The following GPD2 variants were observed in gnomAD, a reference collection of about 807,000 sequenced individuals.
GPD2 encodes glycerol-3-phosphate dehydrogenase 2.
In GPD2, 54 loss-of-function variants were observed where a neutral mutation model predicts 82.4. That is an observed-to-expected ratio of 0.66 (90% confidence interval 0.53 to 0.82). The LOEUF (loss-of-function observed/expected upper bound fraction) is 0.82, where lower values mean the gene tolerates loss of function less well. GPD2 is among the 40% of genes least tolerant of loss of function. The pLI, the probability that GPD2 is intolerant of heterozygous loss-of-function variation, is 0.00. For synonymous variants in GPD2, 288 were observed against 306.1 expected (o/e 0.94, Z 0.62); for missense variants, 748 against 896.2 (o/e 0.83, Z 2.11).
the GPD2 span, among the ~76,000 whole-genome samples, chr2:156,403,637 G>GTA: frequency 6.6e-6 from 1 of 151,692 alleles, no homozygotes; most frequent in Non-Finnish European, 1.5e-5. Context: ...GTGTGTGTGT[G>GTA]CGCCTGCATG....
chr2:156,520,311 C>A (rs895535622), intron 6 of GPD2, among the ~76,000 whole-genome samples: 1 of 150,912 alleles, frequency 6.6e-6, no homozygotes, highest in Non-Finnish European at 1.5e-5. Context: ...GGGCCATTGC[C>A]GGGGAACTAC....
chr2:156,526,806 T>A (rs1685626380), intron 6 of GPD2, among the ~76,000 whole-genome samples: 1 of 152,124 alleles, frequency 6.6e-6, no homozygotes, highest in African/African-American at 2.4e-5. Flanking sequence ...GAGGAGGAAA[T>A]AACTGACATT....
chr2:156,576,497 C>A (rs1687828413), intron 13 of GPD2, among the ~76,000 whole-genome samples: 1 of 151,822 alleles, frequency 6.6e-6, no homozygotes, highest in African/African-American at 2.4e-5. Flanking sequence ...GTTTGTTCTA[C>A]CCTAGGAAAG....
intron 9 of GPD2, among the ~76,000 whole-genome samples, chr2:156,568,246 TAACCA>T (rs1687461551): frequency 6.6e-6 from 1 of 152,118 alleles, no homozygotes; most frequent in African/African-American, 2.4e-5. Context: ...AGAATAATAA[TAACCA>T]ATGCTATAGG....
At chr2:156,444,461 C>T (rs1013489428) in intron 1 of GPD2, among the ~76,000 whole-genome samples, 1 of 152,100 alleles carries the variant, frequency 6.6e-6, no homozygotes, top group Non-Finnish European at 1.5e-5. Context: ...GCCTGTAATC[C>T]CAGCACTTTG....
intron 1 of GPD2, among the ~76,000 whole-genome samples, chr2:156,453,627 A>G (rs1223285158): frequency 6.6e-6 from 1 of 152,260 alleles, no homozygotes; most frequent in Non-Finnish European, 1.5e-5. Flanking sequence ...CTGTAATCCC[A>G]GCACTTCGGG....
At chr2:156,572,664 A>G (rs1687683203) in intron 13 of GPD2, among the ~76,000 whole-genome samples, 1 of 152,194 alleles carries the variant, frequency 6.6e-6, no homozygotes, top group African/African-American at 2.4e-5. Flanking sequence ...AAACAGTCCA[A>G]AGGCCAAGCA....
At chr2:156,480,820 C>T (rs2105211280) in intron 2 of GPD2, among the ~76,000 whole-genome samples, 1 of 150,300 alleles carries the variant, frequency 6.7e-6, no homozygotes, top group East Asian at 2.0e-4. Context: ...TCTTGTTGCC[C>T]AGGCTGGAGT....
intron 1 of GPD2, among the ~76,000 whole-genome samples, chr2:156,451,926 C>T (rs1315686418): frequency 8.0e-5 from 12 of 149,596 alleles, no homozygotes; most frequent in African/African-American, 2.5e-4. Context: ...GGGTCGCGGC[C>T]GGGCAGAGGC....
intron 2 of GPD2, among the ~76,000 whole-genome samples, chr2:156,494,100 C>G (rs1389220305): frequency 1.3e-5 from 2 of 151,962 alleles, no homozygotes; most frequent in Non-Finnish European, 2.9e-5. Flanking sequence ...TGGTTATTAG[C>G]AGATAATTAA....
At chr2:156,413,583 C>T in the GPD2 span, among the ~76,000 whole-genome samples, 2 of 149,628 alleles carry the variant, frequency 1.3e-5, no homozygotes, top group South Asian at 4.2e-4. Context: ...GAGACTCCAC[C>T]ACACAAAAAA....
chr2:156,475,178 A>G (rs1683463346), intron 1 of GPD2, among the ~76,000 whole-genome samples: 1 of 152,160 alleles, frequency 6.6e-6, no homozygotes, highest in African/African-American at 2.4e-5. Flanking sequence ...CTTGATCTGG[A>G]GGGTTTTCTC....
the GPD2 span, among the ~76,000 whole-genome samples, chr2:156,424,977 A>G: frequency 6.6e-6 from 1 of 152,218 alleles, no homozygotes; most frequent in Non-Finnish European, 1.5e-5. Context: ...AGTTTCCTAC[A>G]TAACGCCAAT....
In GPD2 at chr2:156,579,086, G is replaced by C. The variant is rs201499363; in HGVS notation, c.1881G>C (p.Arg627Ser). 468 of 1,597,304 alleles carry C rather than the reference G, an allele frequency of 2.9e-4. 1 individual carries two copies. Among genetic ancestry groups the C allele is most frequent in the Non-Finnish European group, 3.9e-4 (449 of 1,165,262 alleles). ...TCCATTATTTAATCTTGTGTTCCAG[G>C]TATAAGAAGAGATTTCATAAGTTTG... ...EISLLPSDID[R>S]YKKRFHKFDA... Residue 627 changes from arginine to serine, a missense_variant and splice_region_variant, in exon 15 of 17, where the codon AGG (arginine) becomes AGC (serine). By Grantham distance (110) the Arg-to-Ser change is moderately radical. Coordinates refer to ENST00000438166, the MANE Select transcript of GPD2 (RefSeq NM_000408.5).
At chr2:156,426,137 A>G in the GPD2 span, among the ~76,000 whole-genome samples, 1 of 151,906 alleles carries the variant, frequency 6.6e-6, no homozygotes, top group Non-Finnish European at 1.5e-5. Flanking sequence ...TTTAGCCGGG[A>G]TAGTCTCGAT....
At chr2:156,529,511 C>T (rs1685758825) in intron 6 of GPD2, among the ~76,000 whole-genome samples, 1 of 151,026 alleles carries the variant, frequency 6.6e-6, no homozygotes, top group East Asian at 1.9e-4. Context: ...GAAGTCCTTG[C>T]CCATGCCTAT....
At chr2:156,526,416 C>G (rs1469828876) in intron 6 of GPD2, among the ~76,000 whole-genome samples, 1 of 152,092 alleles carries the variant, frequency 6.6e-6, no homozygotes, top group African/African-American at 2.4e-5. Flanking sequence ...TGGTTCATAA[C>G]ATTTGCTTGC....
intron 1 of GPD2, among the ~76,000 whole-genome samples, chr2:156,459,686 C>CA (rs564494059): frequency 0.051 from 1,993 of 38,728 alleles, 249 homozygotes; most frequent in Middle Eastern, 0.12. Flanking sequence ...GACTCCGTCT[C>CA]AAAAAAAAAA....
In GPD2 at chr2:156,583,206, C is replaced by G. The variant is rs1268619588; in HGVS notation, c.*288C>G. The G allele has an allele frequency of 5.1e-6, 2 of 389,450 alleles. No individual in the cohort carries two copies. Among genetic ancestry groups the G allele is most frequent in the Non-Finnish European group, 9.7e-6 (2 of 205,208 alleles). 24.1% of individuals were successfully genotyped at this position (389,450 alleles called of 1,614,324 possible). A position where few individuals can be genotyped will look rare whatever the true frequency, so the allele number is the denominator to read the frequency against. On this transcript the variant is annotated 3_prime_UTR_variant, in exon 17 of 17. Coordinates refer to ENST00000438166, the MANE Select transcript of GPD2 (RefSeq NM_000408.5). ...TGTGACCTGTTAGATGTGACACATT[C>G]TCTTTTTGTTTATTCCCTTATTCTA... is the stretch of plus-strand genomic sequence containing the variant.
Sources: gnomAD v4.1 joint callset for allele counts (sites outside exome capture counted in the v4.1 genomes callset) on GRCh38, gnomAD v4.1.1 for gene constraint, MANE v1.5 for transcripts, NCBI Gene and HGNC (gene_info 2026-07-23, HGNC 2026-07-21) for gene names.